CATSPERE: variants seen among roughly 807,000 people sequenced by gnomAD.
CATSPERE encodes the protein cation channel sperm-associated auxiliary subunit epsilon.
Under a neutral mutation model 114.1 loss-of-function variants are expected in CATSPERE, and 93 were observed. The observed-to-expected ratio is 0.81, with a 90% CI of 0.69 to 0.97. The LOEUF is 0.97. Among genes scored for constraint, CATSPERE ranks in the 50% least tolerant of loss-of-function variants. The probability of loss-of-function intolerance (pLI) is 0.00; values close to 1 mark genes in which losing one functional copy is unlikely to be tolerated. For synonymous variants in CATSPERE, 341 were observed against 384.1 expected, an observed-to-expected ratio of 0.89 and a Z score of 1.31; for missense variants, 1,058 against 1,131.6, an observed-to-expected ratio of 0.93 and a Z score of 0.93.
chr1:244,547,184 T>C (rs752167032), intron 8 of CATSPERE, among the ~76,000 whole-genome samples: 13 of 152,122 alleles, frequency 8.5e-5, no homozygotes, highest in Non-Finnish European at 1.9e-4. Context: ...GATATATTCA[T>C]ATTCAAAGTG....
chr1:244,481,947 A>G (rs1670335457), intron 5 of CATSPERE, among the ~76,000 whole-genome samples: 2 of 152,176 alleles, frequency 1.3e-5, no homozygotes, highest in Admixed American at 1.3e-4. Context: ...TGGGTTACCA[A>G]TTTCATTTAC....
chr1:244,620,691 C>A (rs1315933210), intron 20 of CATSPERE, among the ~76,000 whole-genome samples: 1 of 152,006 alleles, frequency 6.6e-6, no homozygotes, highest in Non-Finnish European at 1.5e-5. Context: ...GTACGTTTAA[C>A]ACACATACAC....
intron 7 of CATSPERE, among the ~76,000 whole-genome samples, chr1:244,509,350 C>A (rs1201804179): frequency 6.6e-6 from 1 of 151,592 alleles, no homozygotes; most frequent in East Asian, 1.9e-4. Flanking sequence ...GGTTTTTGTT[C>A]TTCATTCTGT....
chr1:244,477,833 A>C (rs1292632203), intron 3 of CATSPERE, 73 bp from the exon 4 acceptor site: 1 of 1,284,808 alleles, frequency 7.8e-7, no homozygotes, highest in African/African-American at 1.5e-5. Context: ...TTTTAGGCTT[A>C]AAAAATAGTA....
At chr1:244,453,016 C>A (rs985080344), upstream of CATSPERE, among the ~76,000 whole-genome samples, 7 of 152,188 alleles carry the variant, frequency 4.6e-5, no homozygotes, top group African/African-American at 1.4e-4. Context: ...CTAGAGTACA[C>A]TTTAGTATTT....
chr1:244,474,254 C>T (rs1416698482), intron 2 of CATSPERE, among the ~76,000 whole-genome samples: 4 of 151,972 alleles, frequency 2.6e-5, no homozygotes, highest in Admixed American at 6.6e-5. Context: ...AGGGTGGTCT[C>T]GAACTTGTGA....
chr1:244,500,972 C>T (rs1257069111), intron 7 of CATSPERE, among the ~76,000 whole-genome samples: 1 of 152,160 alleles, frequency 6.6e-6, no homozygotes, highest in African/African-American at 2.4e-5. Flanking sequence ...TCTTCCTATC[C>T]ATGAGCATGG....
chr1:244,467,008 A>G (rs760746583), intron 2 of CATSPERE, among the ~76,000 whole-genome samples: 2 of 152,160 alleles, frequency 1.3e-5, no homozygotes, highest in Non-Finnish European at 2.9e-5. Context: ...AGCTCCTGCA[A>G]TCTAGGGATA....
At chr1:244,599,950 C>T (rs1441445802) in intron 17 of CATSPERE, among the ~76,000 whole-genome samples, 1 of 152,034 alleles carries the variant, frequency 6.6e-6, no homozygotes, top group East Asian at 1.9e-4. Context: ...AAAATATGAC[C>T]TGGATTTTTT....
intron 9 of CATSPERE, 95 bp from the exon 10 acceptor site, chr1:244,560,573 A>T (rs1200830582): frequency 2.8e-6 from 2 of 711,904 alleles, no homozygotes; most frequent in Non-Finnish European, 4.1e-6. Context: ...AAATTTAAAA[A>T]AATAAAAAAT....
rs1664715175 is a variant in CATSPERE, at chr1:244,573,141, G to T, written c.1950+369G>T. On this transcript the variant is annotated intron_variant, in intron 11 of 21. Transcript: ENST00000366534. This position sits in a 1 kb window ranked among gnomAD's most constrained non-coding sequence, Gnocchi z 4.0. ...AACAACCAATTCTGGGCCGGGCATG[G>T]TGGCTCACACCTGTAATCCCAGCAC... is the stretch of plus-strand genomic sequence containing the variant. 6.6e-6 allele frequency among the ~76,000 whole-genome samples: 1 copy of T among 152,072 alleles called. No individual in the cohort carries two copies. The highest frequency in any genetic ancestry group is 6.5e-5 in the Admixed American group (1 of 15,270).
Position 244,560,880 on chromosome 1 carries a change from C to T in CATSPERE, c.1242C>T (p.Asn414=), listed in dbSNP as rs1409251054. 5 of 1,613,996 alleles carry T rather than the reference C, an allele frequency of 3.1e-6. No homozygotes were observed. The highest frequency in any genetic ancestry group is 2.2e-5 in the East Asian group (1 of 44,870). Residue 414 remains asparagine, a synonymous_variant, in exon 10 of 22, where the codon AAC becomes AAT. Transcript: ENST00000366534. ...AVFLNYCTVC[N]VTKKIFLVIY... is the part of the protein sequence containing the mutation. ...TTTTAAATTATTGCACTGTATGTAA[C>T]GTCACCAAAAAGATTTTCTTAGTGA...
intron 2 of CATSPERE, among the ~76,000 whole-genome samples, chr1:244,465,619 T>A (rs1010626088): frequency 6.6e-6 from 1 of 152,202 alleles, no homozygotes; most frequent in Non-Finnish European, 1.5e-5. Flanking sequence ...AATTCTACAC[T>A]CTCTTAACTG....
Position 244,633,958 on chromosome 1 carries a change from G to A in CATSPERE, c.2649-1531G>A, listed in dbSNP as rs1344040389. On this transcript the variant is annotated intron_variant, in intron 20 of 21. Coordinates refer to ENST00000366534, the MANE Select transcript of CATSPERE (RefSeq NM_001130957.2). This position sits in a 1 kb window ranked among gnomAD's most constrained non-coding sequence, Gnocchi z 4.1. ...CCGCTCACTGCAACCTACGCCTCCC[G>A]GTTCAAGCAATTCTCCTGCCTCAAC... 3.3e-5 allele frequency among the ~76,000 whole-genome samples: 5 copies of A among 150,122 alleles called. No homozygotes were observed. Among genetic ancestry groups the A allele is most frequent in the Admixed American group, 6.7e-5 (1 of 14,972 alleles).
chr1:244,561,682 G>A (rs948819595), intron 10 of CATSPERE, among the ~76,000 whole-genome samples: 1 of 148,510 alleles, frequency 6.7e-6, no homozygotes, highest in Non-Finnish European at 1.5e-5. Context: ...GACAAAGTTA[G>A]AATCATACAT....
chr1:244,626,043 A>G (rs1277183491), intron 20 of CATSPERE, among the ~76,000 whole-genome samples: 2 of 152,202 alleles, frequency 1.3e-5, no homozygotes, highest in Non-Finnish European at 2.9e-5. Flanking sequence ...TAGACTTACC[A>G]TAATTCTGAA....
intron 17 of CATSPERE, among the ~76,000 whole-genome samples, chr1:244,600,176 G>A (rs1668994198): frequency 6.6e-6 from 1 of 152,086 alleles, no homozygotes; most frequent in South Asian, 2.1e-4. Context: ...AAAGAAAGAA[G>A]GCGGACTCTC....
At chr1:244,461,702 A>G (rs986155537) in intron 1 of CATSPERE, among the ~76,000 whole-genome samples, 1 of 152,046 alleles carries the variant, frequency 6.6e-6, no homozygotes, top group Admixed American at 6.5e-5. Flanking sequence ...CGCAGTTAGC[A>G]CTTTGCTACC....
At chr1:244,547,049 T>C (rs988913864) in intron 8 of CATSPERE, among the ~76,000 whole-genome samples, 4 of 152,018 alleles carry the variant, frequency 2.6e-5, no homozygotes, top group Admixed American at 2.6e-4. Flanking sequence ...TTGTCAAAGA[T>C]GAAAGACAAA....
Sources: allele counts gnomAD v4.1 joint callset (sites outside exome capture counted in the v4.1 genomes callset), GRCh38; gene constraint gnomAD v4.1.1; non-coding constraint Gnocchi (gnomAD v3.1); transcripts MANE v1.5; gene names NCBI Gene and HGNC (gene_info 2026-07-23, HGNC 2026-07-21).